Variants in RTTN observed in about 807,000 individuals in gnomAD.
RTTN encodes the protein rotatin.
RTTN carries 182 observed loss-of-function variants against 269.2 expected under a neutral mutation model. The ratio of observed to expected loss-of-function variants is 0.68; its 90% CI spans 0.60 to 0.76. RTTN has a LOEUF of 0.76. RTTN is among the 30% of genes least tolerant of loss of function. The pLI is 0.00. For missense variants in RTTN, 2,545 were observed against 2,608.6 expected (o/e 0.98, Z 0.53); for synonymous variants, 1,006 against 963.5 (o/e 1.04, Z -0.82).
At chr18:70,012,269 G>A (rs1399492035) in intron 46 of RTTN, among the ~76,000 whole-genome samples, 1 of 149,852 alleles carries the variant, frequency 6.7e-6, no homozygotes, top group African/African-American at 2.5e-5. Context: ...ACTGGTTAGA[G>A]GGCAGCATCT....
chr18:70,122,460 T>A (rs1401739373), intron 25 of RTTN, among the ~76,000 whole-genome samples: 2 of 152,068 alleles, frequency 1.3e-5, no homozygotes, highest in Non-Finnish European at 1.5e-5. Context: ...ATAATACGAA[T>A]CTTAATACTC....
intron 10 of RTTN, among the ~76,000 whole-genome samples, chr18:70,186,073 T>TC (rs376667723): frequency 2.8e-4 from 31 of 109,408 alleles, no homozygotes; most frequent in African/African-American, 1.1e-3. Context: ...GAATGCCCTC[T>TC]CCCCCCCAAA....
At position 70,017,627 on chromosome 18, in the gene RTTN, T is replaced by C. The variant is rs751751241; in HGVS notation, c.6201A>G (p.Gly2067=). The change falls in exon 46 of 49, where the codon GGA becomes GGG. Residue 2067 remains glycine (G), a synonymous_variant. Coordinates refer to ENST00000640769, the MANE Select transcript of RTTN (RefSeq NM_173630.4). ...NFLSLALPKG[G]NKHLSNLTIL... ...TAGTCAGATTACTTAGATGTTTATT[T>C]CCTCCTTTTGGCAATGCTAGAGAGA... 4 of 1,613,720 alleles carry C rather than the reference T, an allele frequency of 2.5e-6. No individual in the cohort carries two copies. Among genetic ancestry groups the C allele is most frequent in the Admixed American group, 1.7e-5 (1 of 60,012 alleles).
intron 32 of RTTN, among the ~76,000 whole-genome samples, chr18:70,084,778 T>A (rs563692751): frequency 6.6e-6 from 1 of 152,306 alleles, no homozygotes; most frequent in South Asian, 2.1e-4. Context: ...TTTTTTATTT[T>A]GGCCAACTTA....
intron 46 of RTTN, among the ~76,000 whole-genome samples, chr18:70,016,290 A>C (rs181815058): frequency 1.0e-3 from 152 of 152,372 alleles, no homozygotes; most frequent in African/African-American, 3.6e-3. Context: ...GAAAAGTTTA[A>C]GTGAAAAACA....
chr18:70,030,257 A>G, intron 41 of RTTN, 148 bp from the exon 42 acceptor site: 1 of 576,934 alleles, frequency 1.7e-6, no homozygotes, highest in Non-Finnish European at 3.0e-6. Context: ...TTAATGAATC[A>G]GAGGGGGGAT....
chr18:70,193,222 T>C, intron 8 of RTTN, 66 bp downstream of exon 8: 4 of 1,373,908 alleles, frequency 2.9e-6, no homozygotes, highest in Non-Finnish European at 4.0e-6. Context: ...TATCTCCTTC[T>C]GAAATTAACA....
At chr18:70,086,558 A>G in intron 32 of RTTN, 55 bp downstream of exon 32, 1 of 1,308,546 alleles carries the variant, frequency 7.6e-7, no homozygotes, top group African/African-American at 1.5e-5. Context: ...CTGAAAATTT[A>G]TCACCAATTA....
At chr18:70,186,725 T>C (rs1444683116) in intron 10 of RTTN, among the ~76,000 whole-genome samples, 1 of 152,166 alleles carries the variant, frequency 6.6e-6, no homozygotes. Flanking sequence ...TGCGGCAACA[T>C]GGATGGAGCT....
chr18:70,104,806 A>C (rs1019987835), intron 28 of RTTN, among the ~76,000 whole-genome samples: 3 of 152,196 alleles, frequency 2.0e-5, no homozygotes, highest in African/African-American at 4.8e-5. Flanking sequence ...AGGCTGCAGA[A>C]GAGCAAATGT....
intron 28 of RTTN, among the ~76,000 whole-genome samples, chr18:70,102,043 T>C (rs111930737): frequency 2.9e-4 from 44 of 152,326 alleles, no homozygotes; most frequent in African/African-American, 1.0e-3. Context: ...CTGAGAAGAA[T>C]GTACATTCTG....
At chr18:70,097,537 C>A (rs1341779767) in intron 28 of RTTN, among the ~76,000 whole-genome samples, 1 of 152,152 alleles carries the variant, frequency 6.6e-6, no homozygotes, top group Non-Finnish European at 1.5e-5. Context: ...TATTTGCCTG[C>A]CATTTAACAT....
intron 34 of RTTN, among the ~76,000 whole-genome samples, chr18:70,066,432 GAATA>G (rs2058136289): frequency 6.6e-6 from 1 of 152,112 alleles, no homozygotes. Flanking sequence ...GATTGCTTCA[GAATA>G]CAACATTAAA....
chr18:70,185,165 C>A (rs2061518960), intron 10 of RTTN, among the ~76,000 whole-genome samples: 1 of 151,842 alleles, frequency 6.6e-6, no homozygotes, highest in Non-Finnish European at 1.5e-5. Context: ...AAAAAAAGTT[C>A]ATTCCTTACC....
intron 9 of RTTN, among the ~76,000 whole-genome samples, chr18:70,189,384 T>C (rs1014712041): frequency 4.6e-5 from 7 of 152,202 alleles, no homozygotes; most frequent in Non-Finnish European, 1.5e-5. Flanking sequence ...AAAATAGACA[T>C]GGGACTTAAA....
In RTTN at chr18:70,149,019, C is replaced by A. The variant is rs762907119; in HGVS notation, c.2191G>T (p.Asp731Tyr). The A allele has an allele frequency of 6.2e-7, 1 of 1,613,330 alleles. No individual in the cohort carries two copies. Among genetic ancestry groups the A allele is most frequent in the Non-Finnish European group, 8.5e-7 (1 of 1,179,488 alleles). Residue 731 changes from aspartate (D) to tyrosine (Y), a missense_variant, in exon 17 of 49, where the codon GAT becomes TAT. Transcript: ENST00000640769. Reference sequence around the variant, plus strand: ...AGGAGAATGCAGTTACCCAGAGGATCTTCTGTGTCGGCATAGCCCTAATAG... The same window carrying A: ...AGGAGAATGCAGTTACCCAGAGGATATTCTGTGTCGGCATAGCCCTAATAG... ...PILQGYADTE[D>Y]PLGNCILLLS...
chr18:70,047,921 A>G (rs2057537558), intron 40 of RTTN, 50 bp downstream of exon 40: 1 of 1,431,062 alleles, frequency 7.0e-7, no homozygotes, highest in East Asian at 2.3e-5. Context: ...CTGAAAGTCA[A>G]TTTATTTAAA....
chr18:70,127,062 G>T (rs941392732), intron 25 of RTTN, among the ~76,000 whole-genome samples: 6 of 152,066 alleles, frequency 3.9e-5, no homozygotes, highest in African/African-American at 1.2e-4. Flanking sequence ...CCGCCACATG[G>T]CAATCAACTT....
At chr18:70,178,088 T>G (rs1039937026) in intron 10 of RTTN, among the ~76,000 whole-genome samples, 7 of 152,174 alleles carry the variant, frequency 4.6e-5, no homozygotes, top group African/African-American at 1.7e-4. Flanking sequence ...TGTATATACA[T>G]GCAAGAAAAG....
Sources: allele counts gnomAD v4.1 joint callset (sites outside exome capture counted in the v4.1 genomes callset), GRCh38; gene constraint gnomAD v4.1.1; transcripts MANE v1.5; gene names NCBI Gene and HGNC (gene_info 2026-07-23, HGNC 2026-07-21).